Variants in IMPACT observed in about 807,000 individuals in gnomAD.
IMPACT encodes impact RWD domain protein, also known as protein IMPACT.
IMPACT carries 35 observed loss-of-function variants against 47.5 expected under a neutral mutation model. The ratio of observed to expected loss-of-function variants is 0.74; its 90% confidence interval spans 0.56 to 0.98. IMPACT has a LOEUF of 0.98. Ranked by LOEUF, IMPACT falls within the 50% of genes least tolerant of loss-of-function variation. The pLI, the probability that IMPACT is intolerant of heterozygous loss-of-function variation, is 0.00. For missense variants in IMPACT, 373 were observed against 394.8 expected (o/e 0.94, Z 0.47); for synonymous variants, 118 against 125.6 (o/e 0.94, Z 0.40).
intron 2 of IMPACT, 150 bp downstream of exon 2, chr18:24,428,197 A>C (rs1305596664): frequency 7.6e-5 from 52 of 688,228 alleles, no homozygotes; most frequent in Non-Finnish European, 1.2e-4. Flanking sequence ...TACATCTCAG[A>C]TCACTTTCAA....
In IMPACT at chr18:24,449,830, G is replaced by A; in HGVS notation, c.771G>A (p.Val257=). The change falls in exon 10 of 11, where the codon GTG becomes GTA. Residue 257 remains valine (V), a synonymous_variant. Coordinates refer to ENST00000284202, the MANE Select transcript of IMPACT (RefSeq NM_018439.4). ...RLLHLMEILN[V]KNVMVVVSRW... ...CCAAAAAATAACAGATTTTGAATGT[G>A]AAGAATGTCATGGTGGTAGTATCAC... 1 of 1,612,362 alleles carries A rather than the reference G, an allele frequency of 6.2e-7. No individual in the cohort carries two copies. Among genetic ancestry groups the A allele is most frequent in the South Asian group, 1.1e-5 (1 of 91,012 alleles).
chr18:24,438,196 G>A (rs1185111130), intron 5 of IMPACT, among the ~76,000 whole-genome samples, 156 bp downstream of exon 5: 1 of 152,146 alleles, frequency 6.6e-6, no homozygotes, highest in Non-Finnish European at 1.5e-5. Context: ...AATTGCTCAT[G>A]TAATTATAGT....
chr18:24,428,241 A>G (rs1332120358), intron 2 of IMPACT, among the ~76,000 whole-genome samples, 194 bp downstream of exon 2: 1 of 152,236 alleles, frequency 6.6e-6, no homozygotes, highest in Non-Finnish European at 1.5e-5. Flanking sequence ...AGTCTTTCTA[A>G]TCCAATGCTT....
chr18:24,433,665 ATTTTTT>A (rs34462493), intron 4 of IMPACT, among the ~76,000 whole-genome samples: 1 of 90,584 alleles, frequency 1.1e-5, no homozygotes, highest in Non-Finnish European at 2.1e-5. Context: ...GTGTGACAGC[ATTTTTT>A]TTTTTTTTTT....
At position 24,443,051 on chromosome 18, in the gene IMPACT, G is replaced by T. The variant is rs1402854193; in HGVS notation, c.493G>T (p.Val165Leu). 3.3e-5 allele frequency: 50 copies of T among 1,525,774 alleles called. No individual in the cohort carries two copies. Among genetic ancestry groups the T allele is most frequent in the Non-Finnish European group, 4.0e-5 (45 of 1,111,614 alleles). The allele number at this position is 1,525,774 out of a possible 1,614,324, so 94.5% of individuals were successfully genotyped here. A position where few individuals can be genotyped will look rare whatever the true frequency, so the allele number is the denominator to read the frequency against. ...DFDISETRTE[V>L]EVEELPPIDH... ...TAAAGTTTCTTTTACATTTCTAGAAGTAGAAGTAGAAGAATTACCTCCGAT... is the reference window on the plus strand; with the variant it reads ...TAAAGTTTCTTTTACATTTCTAGAATTAGAAGTAGAAGAATTACCTCCGAT... The change falls in exon 7 of 11, where the codon GTA (valine) becomes TTA (leucine). Residue 165 changes from valine to leucine, a missense_variant and splice_region_variant. By Grantham distance (32) the Val-to-Leu change is conservative. Coordinates refer to ENST00000284202, the MANE Select transcript of IMPACT (RefSeq NM_018439.4).
chr18:24,440,388 T>G (rs1156637794), intron 5 of IMPACT, 108 bp from the exon 6 acceptor site: 10 of 1,140,946 alleles, frequency 8.8e-6, no homozygotes, highest in Non-Finnish European at 1.2e-5. Context: ...GAGTGCTGGT[T>G]CCTTTCGTTG....
At chr18:24,434,036 A>G (rs916150411) in intron 4 of IMPACT, among the ~76,000 whole-genome samples, 2 of 151,956 alleles carry the variant, frequency 1.3e-5, no homozygotes, top group African/African-American at 4.8e-5. Flanking sequence ...GGGGAAATAC[A>G]GGTTTTTAAA....
intron 8 of IMPACT, 61 bp from the exon 9 acceptor site, chr18:24,448,032 G>A (rs1909288338): frequency 3.2e-6 from 3 of 940,042 alleles, no homozygotes; most frequent in African/African-American, 1.6e-5. Flanking sequence ...CAAATGTTGA[G>A]GAATAAGTTT....
intron 5 of IMPACT, among the ~76,000 whole-genome samples, chr18:24,438,615 G>A (rs1320146026): frequency 6.6e-6 from 1 of 152,082 alleles, no homozygotes; most frequent in Admixed American, 6.5e-5. Flanking sequence ...GCTGGGAGTG[G>A]TGGTGTACTC....
At chr18:24,430,117 T>A (rs867307873) in intron 3 of IMPACT, among the ~76,000 whole-genome samples, 1 of 152,182 alleles carries the variant, frequency 6.6e-6, no homozygotes, top group Non-Finnish European at 1.5e-5. Context: ...TGGTGTGGGT[T>A]TTGTTTTTGT....
chr18:24,431,847 G>A (rs986524082), intron 4 of IMPACT, among the ~76,000 whole-genome samples: 2 of 151,858 alleles, frequency 1.3e-5, no homozygotes, highest in South Asian at 2.1e-4. Flanking sequence ...GACTACAGGC[G>A]CCCGCCACCA....
intron 4 of IMPACT, chr18:24,435,660 G>A (rs1195072049): frequency 6.6e-6 from 1 of 152,192 alleles, no homozygotes; most frequent in Non-Finnish European, 1.5e-5. Context: ...CAACTCCTCT[G>A]AAACAAAAGG....
chr18:24,427,906 C>A lies in IMPACT; in HGVS notation c.37-13C>A. The A allele has an allele frequency of 6.3e-7, 1 of 1,592,546 alleles. No individual in the cohort carries two copies. The highest frequency in any genetic ancestry group is 1.2e-5 in the South Asian group (1 of 86,730). Reference sequence around the variant, plus strand: ...GTACATTTGTTGACTTTTAAAAAATCAATTTCTTTCAGAATGAGGAAATTG... The same window carrying A: ...GTACATTTGTTGACTTTTAAAAAATAAATTTCTTTCAGAATGAGGAAATTG... On this transcript the variant is annotated splice_polypyrimidine_tract_variant and intron_variant, in intron 1 of 10. Coordinates refer to ENST00000284202, the MANE Select transcript of IMPACT (RefSeq NM_018439.4).
intron 3 of IMPACT, 103 bp downstream of exon 3, chr18:24,429,024 G>A (rs992252010): frequency 4.4e-6 from 3 of 688,732 alleles, no homozygotes; most frequent in South Asian, 2.1e-5. Flanking sequence ...TTATTAACAT[G>A]TATATAGAAA....
At chr18:24,447,274 A>T (rs1228542219) in intron 8 of IMPACT, among the ~76,000 whole-genome samples, 1 of 152,174 alleles carries the variant, frequency 6.6e-6, no homozygotes, top group Admixed American at 6.5e-5. Context: ...AAAAGTTTAC[A>T]GCTTTTTATG....
At position 24,426,703 on chromosome 18, in the gene IMPACT, C is replaced by T; in HGVS notation, c.-54C>T. ...CTCGGCTCGCAGCCGCAGCGCCCCG[C>T]CCCCGCGCTCCGGACCTGGCAGGCG... is the stretch of plus-strand genomic sequence containing the variant. On this transcript the variant is annotated 5_prime_UTR_variant, in exon 1 of 11. Coordinates refer to ENST00000284202, the MANE Select transcript of IMPACT (RefSeq NM_018439.4). 6.6e-6 allele frequency: 8 copies of T among 1,216,056 alleles called. No individual in the cohort carries two copies. Among genetic ancestry groups the T allele is most frequent in the East Asian group, 3.2e-5 (1 of 31,518 alleles). The allele number at this position is 1,216,056 out of a possible 1,614,324, so 75.3% of individuals were successfully genotyped here.
chr18:24,433,545 G>C (rs190604757), intron 4 of IMPACT, among the ~76,000 whole-genome samples: 103 of 150,496 alleles, frequency 6.8e-4, no homozygotes, highest in Admixed American at 6.7e-3. Flanking sequence ...GCCCAAGCTG[G>C]CCTTGAACTC....
Position 24,427,982 on chromosome 18 carries a change from G to A in IMPACT, c.100G>A (p.Ala34Thr). ...GEEWCVIDDC[A>T]KIFCIRISDD... ...GGAGTGGTGTGTCATTGATGACTGTGCCAAAATATTTTGTATTAGAATTAG... is the reference window on the plus strand; with the variant it reads ...GGAGTGGTGTGTCATTGATGACTGTACCAAAATATTTTGTATTAGAATTAG... Residue 34 changes from alanine to threonine, a missense_variant, in exon 2 of 11, where the codon GCC (alanine) becomes ACC (threonine). Ala to Thr is a moderately conservative substitution (Grantham distance 58). Transcript: ENST00000284202. 6.2e-7 allele frequency: 1 copy of A among 1,602,306 alleles called. No individual in the cohort carries two copies. Among genetic ancestry groups the A allele is most frequent in the South Asian group, 1.1e-5 (1 of 88,470 alleles).
At chr18:24,443,289 C>T (rs1909164693) in intron 7 of IMPACT, 137 bp downstream of exon 7, 3 of 470,740 alleles carry the variant, frequency 6.4e-6, no homozygotes, top group South Asian at 3.5e-5. Context: ...TTTTCTACTC[C>T]CAAATTACTG....
Sources: gnomAD v4.1 joint callset for allele counts (sites outside exome capture counted in the v4.1 genomes callset) on GRCh38, gnomAD v4.1.1 for gene constraint, MANE v1.5 for transcripts, NCBI Gene and HGNC (gene_info 2026-07-23, HGNC 2026-07-21) for gene names.